The following MYO5B variants were observed in gnomAD, a reference collection of about 807,000 sequenced individuals.
MYO5B encodes the protein unconventional myosin-Vb.
A neutral mutation model predicts 229.3 loss-of-function variants in MYO5B; 143 were observed. The observed-to-expected ratio is 0.62, with a 90% CI of 0.54 to 0.72. MYO5B has a LOEUF of 0.72. Among genes scored for constraint, MYO5B ranks in the 30% least tolerant of loss-of-function variants. The probability of loss-of-function intolerance (pLI) is 0.00; values close to 1 mark genes in which losing one functional copy is unlikely to be tolerated. For synonymous variants in MYO5B, 918 were observed against 885.2 expected (o/e 1.04, Z -0.66); for missense variants, 2,321 against 2,331.0 (o/e 1.00, Z 0.09).
chr18:50,117,432 T>C (rs1026442995), intron 1 of MYO5B, among the ~76,000 whole-genome samples: 2 of 152,144 alleles, frequency 1.3e-5, no homozygotes, highest in Admixed American at 6.5e-5. Flanking sequence ...CAGGCCTCCA[T>C]GATCTCTAAG....
intron 1 of MYO5B, among the ~76,000 whole-genome samples, chr18:50,185,935 T>C (rs1387447820): frequency 6.6e-6 from 1 of 152,242 alleles, no homozygotes; most frequent in Non-Finnish European, 1.5e-5. Context: ...TGAGTACATA[T>C]TGTGCATAAG....
intron 7 of MYO5B, among the ~76,000 whole-genome samples, chr18:49,987,619 C>T (rs914585693): frequency 1.3e-5 from 2 of 152,066 alleles, no homozygotes; most frequent in Admixed American, 6.5e-5. Context: ...ATTAGAGCAC[C>T]GGACCACCAA....
At chr18:49,892,255 G>A (rs535132960) in intron 22 of MYO5B, among the ~76,000 whole-genome samples, 13 of 152,280 alleles carry the variant, frequency 8.5e-5, no homozygotes, top group South Asian at 4.1e-4. Context: ...CCGTGGAAGC[G>A]CCAAAACAAC....
intron 17 of MYO5B, among the ~76,000 whole-genome samples, chr18:49,919,529 C>A (rs2025052115): frequency 6.6e-6 from 1 of 152,144 alleles, no homozygotes; most frequent in Non-Finnish European, 1.5e-5. Context: ...GATCAACAGA[C>A]ATTTCTCCAA....
chr18:49,949,892 A>G (rs2025414482), intron 14 of MYO5B, among the ~76,000 whole-genome samples: 1 of 152,220 alleles, frequency 6.6e-6, no homozygotes, highest in Non-Finnish European at 1.5e-5. Context: ...AATTTTAAAG[A>G]AAATAGACTC....
chr18:50,060,970 T>C (rs970327439), intron 1 of MYO5B, among the ~76,000 whole-genome samples: 1 of 152,136 alleles, frequency 6.6e-6, no homozygotes, highest in Non-Finnish European at 1.5e-5. Flanking sequence ...TTGAAGGGTA[T>C]CACAGACCTT....
rs918252798 is a variant in MYO5B, at chr18:50,107,040, ACT to A, written c.28-51664_28-51663del. 6.3e-5 allele frequency among the ~76,000 whole-genome samples: 9 copies of A among 143,626 alleles called. No homozygotes were observed. In the South Asian group the frequency reaches 1.6e-3, roughly 25 times the overall value. The allele number at this position is 143,626 out of a possible 152,430, so 94.2% of individuals were successfully genotyped here. On this transcript the variant is annotated intron_variant, in intron 1 of 39. Transcript: ENST00000285039. ...AGTTATGGGACCTCCAGCTGCCCTG[ACT>A]CTGAATCATGGGCTAGACAGAGCTT...
At chr18:49,945,453 C>CTT (rs35737218) in intron 14 of MYO5B, among the ~76,000 whole-genome samples, 315 of 149,260 alleles carry the variant, frequency 2.1e-3, no homozygotes, top group Non-Finnish European at 3.9e-3. Flanking sequence ...TCATGCAGTC[C>CTT]TTTTTTTTTT....
intron 17 of MYO5B, among the ~76,000 whole-genome samples, chr18:49,916,921 T>C (rs2144171385): frequency 6.6e-6 from 1 of 152,358 alleles, no homozygotes; most frequent in South Asian, 2.1e-4. Context: ...AGAGAATTTG[T>C]GATTCTTTTT....
chr18:49,977,280 A>G (rs1260804100), intron 9 of MYO5B, among the ~76,000 whole-genome samples: 1 of 152,152 alleles, frequency 6.6e-6, no homozygotes, highest in African/African-American at 2.4e-5. Flanking sequence ...TAAGTAGCAG[A>G]TCAGTTTTAT....
chr18:49,966,617 T>C (rs1298026751), intron 10 of MYO5B, among the ~76,000 whole-genome samples: 1 of 152,220 alleles, frequency 6.6e-6, no homozygotes, highest in Non-Finnish European at 1.5e-5. Flanking sequence ...AGCAATTGGG[T>C]GTGCTGGCAG....
intron 17 of MYO5B, among the ~76,000 whole-genome samples, chr18:49,926,837 G>A (rs1179053942): frequency 1.3e-5 from 2 of 152,212 alleles, no homozygotes; most frequent in Non-Finnish European, 2.9e-5. Context: ...ATATTACTCA[G>A]CCTTAACAAG....
rs111430433 is a variant in MYO5B, at chr18:50,106,608, A to C, written c.28-51230T>G. Among the ~76,000 whole-genome samples the C allele has an allele frequency of 9.8e-3, 1,496 of 152,170 alleles. 16 individuals carry two copies. The highest frequency in any genetic ancestry group is 0.033 in the African/African-American group (1,384 of 41,498). On this transcript the variant is annotated intron_variant, in intron 1 of 39. Coordinates refer to ENST00000285039, the MANE Select transcript of MYO5B (RefSeq NM_001080467.3). ...GGAATGCTCGCCCACCCTATTTCTCATTATCTGGCTATTCCTCTTCAGGTT... is the reference window on the plus strand; with the variant it reads ...GGAATGCTCGCCCACCCTATTTCTCCTTATCTGGCTATTCCTCTTCAGGTT...
chr18:50,173,802 G>A (rs1230739618), intron 1 of MYO5B, among the ~76,000 whole-genome samples: 2 of 152,134 alleles, frequency 1.3e-5, no homozygotes, highest in Non-Finnish European at 2.9e-5. Context: ...TTACTGTGAG[G>A]CAGCAACTTT....
At chr18:49,831,534 T>C (rs970225962) in intron 39 of MYO5B, among the ~76,000 whole-genome samples, 1 of 152,148 alleles carries the variant, frequency 6.6e-6, no homozygotes, top group Non-Finnish European at 1.5e-5. Context: ...ATCAGAGAGA[T>C]ACAAATCCAA....
intron 22 of MYO5B, among the ~76,000 whole-genome samples, chr18:49,883,626 G>A (rs919220659): frequency 1.3e-5 from 2 of 150,134 alleles, no homozygotes. Flanking sequence ...TTCATGAGCT[G>A]TTCCTTAAAT....
chr18:50,127,466 T>C (rs542955605), intron 1 of MYO5B, among the ~76,000 whole-genome samples: 17 of 152,190 alleles, frequency 1.1e-4, no homozygotes, highest in Non-Finnish European at 2.5e-4. Flanking sequence ...GTGGTCAAAC[T>C]CATGGTATCT....
chr18:49,916,627 A>G (rs1430508848), intron 17 of MYO5B, among the ~76,000 whole-genome samples: 1 of 152,084 alleles, frequency 6.6e-6, no homozygotes, highest in African/African-American at 2.4e-5. Context: ...CTGAGGGGAG[A>G]GGAGATGCCA....
intron 5 of MYO5B, among the ~76,000 whole-genome samples, chr18:49,994,760 AAG>A (rs1231181901): frequency 6.6e-6 from 1 of 152,216 alleles, no homozygotes; most frequent in Admixed American, 6.5e-5. Context: ...TCCTTCCACA[AAG>A]AGTCTCAGCC....
Sources: gnomAD v4.1 joint callset for allele counts (sites outside exome capture counted in the v4.1 genomes callset) on GRCh38, gnomAD v4.1.1 for gene constraint, MANE v1.5 for transcripts, NCBI Gene and HGNC (gene_info 2026-07-23, HGNC 2026-07-21) for gene names.